ZNF280D: variants seen among roughly 807,000 people sequenced by gnomAD.
ZNF280D encodes suppressor of hairy wing homolog 4.
In ZNF280D, 39 loss-of-function variants were observed where a neutral mutation model predicts 94.7. The observed-to-expected ratio is 0.41, with a 90% CI of 0.32 to 0.54. The LOEUF is 0.54. Ranked by LOEUF, ZNF280D falls within the 20% of genes least tolerant of loss-of-function variation. The pLI is 0.22. For synonymous variants in ZNF280D, 398 were observed against 377.6 expected (o/e 1.05, Z -0.63); for missense variants, 1,090 against 1,149.3 (o/e 0.95, Z 0.75).
intron 1 of ZNF280D, among the ~76,000 whole-genome samples, 200 bp from the exon 2 acceptor site, chr15:56,707,506 C>G (rs545089871): frequency 1.3e-4 from 20 of 151,978 alleles, no homozygotes; most frequent in Admixed American, 1.0e-3. Context: ...ACTTAATACT[C>G]GAAGAAATGT....
chr15:56,670,065 T>C (rs1266387659), intron 13 of ZNF280D, among the ~76,000 whole-genome samples: 1 of 4,414 alleles, frequency 2.3e-4, no homozygotes, highest in Non-Finnish European at 2.0e-3. Flanking sequence ...TATGTTGTTT[T>C]ACATATATAT....
At chr15:56,717,197 T>C (rs1461451350) in intron 1 of ZNF280D, among the ~76,000 whole-genome samples, 2 of 151,940 alleles carry the variant, frequency 1.3e-5, no homozygotes, top group African/African-American at 4.8e-5. Flanking sequence ...AGAATAAAGA[T>C]TGGAGGAAGA....
Position 56,680,508 on chromosome 15 carries a change from G to T in ZNF280D, c.1005-1687C>A, listed in dbSNP as rs138176240. Among the ~76,000 whole-genome samples the T allele has an allele frequency of 1.6e-3, 250 of 152,062 alleles. 1 individual carries two copies. The highest frequency in any genetic ancestry group is 5.7e-3 in the African/African-American group (236 of 41,450). On this transcript the variant is annotated intron_variant, in intron 10 of 21. Transcript: ENST00000267807. Reference sequence around the variant, plus strand: ...TTTCTTTTTATTTTGAGACCATCTCGTTCTGTTGCCCAGGCTGGAGTGCAG... The same window carrying T: ...TTTCTTTTTATTTTGAGACCATCTCTTTCTGTTGCCCAGGCTGGAGTGCAG...
chr15:56,689,978 A>G (rs1057017773), intron 7 of ZNF280D, among the ~76,000 whole-genome samples: 18 of 152,180 alleles, frequency 1.2e-4, no homozygotes, highest in Admixed American at 6.5e-4. Context: ...AACAAACTGA[A>G]GAGTAGGTAA....
intron 1 of ZNF280D, chr15:56,729,850 G>C (rs2141514666): frequency 6.6e-6 from 1 of 152,274 alleles, no homozygotes; most frequent in South Asian, 2.1e-4. Context: ...AAAAATGTGT[G>C]TTACAATGAG....
At position 56,669,910 on chromosome 15, in the gene ZNF280D, TATA is replaced by T. The variant is rs2054628993; in HGVS notation, c.1411-956_1411-954del. Among the ~76,000 whole-genome samples, 2 of 6,968 alleles carry T rather than the reference TATA, an allele frequency of 2.9e-4. 1 individual carries two copies. The highest frequency in any genetic ancestry group is 5.4e-4 in the Non-Finnish European group (2 of 3,732). The allele number at this position is 6,968 out of a possible 152,430, so 4.6% of individuals were successfully genotyped here. A position where few individuals can be genotyped will look rare whatever the true frequency, so the allele number is the denominator to read the frequency against. On this transcript the variant is annotated intron_variant, in intron 13 of 21. Transcript: ENST00000267807. Reference sequence around the variant, plus strand: ...ATATTATATATATATATAATATATATATATTATATATATATTATATATATATTA... The same window carrying T: ...ATATTATATATATATATAATATATATTTATATATATATTATATATATATTA...
intron 6 of ZNF280D, among the ~76,000 whole-genome samples, chr15:56,694,894 T>C (rs2056654390): frequency 6.6e-6 from 1 of 152,162 alleles, no homozygotes; most frequent in African/African-American, 2.4e-5. Context: ...GGAAACTGGG[T>C]AAGGGGTATA....
intron 16 of ZNF280D, among the ~76,000 whole-genome samples, chr15:56,663,783 A>G (rs2054110972): frequency 6.6e-6 from 1 of 152,150 alleles, no homozygotes; most frequent in South Asian, 2.1e-4. Flanking sequence ...ACACACCTAT[A>G]TGGCTACTCA....
At chr15:56,732,122 G>T (rs2058922063) in intron 1 of ZNF280D, among the ~76,000 whole-genome samples, 1 of 152,186 alleles carries the variant, frequency 6.6e-6, no homozygotes, top group African/African-American at 2.4e-5. Context: ...ATATACTAGA[G>T]TTGAGCACCG....
chr15:56,687,180 C>T (rs1483615186), intron 9 of ZNF280D, among the ~76,000 whole-genome samples: 1 of 152,086 alleles, frequency 6.6e-6, no homozygotes, highest in Non-Finnish European at 1.5e-5. Flanking sequence ...GATATAAACA[C>T]ATACACTGTT....
intron 3 of ZNF280D, among the ~76,000 whole-genome samples, chr15:56,704,840 G>A (rs1017145204): frequency 7.2e-5 from 11 of 151,962 alleles, no homozygotes; most frequent in East Asian, 1.9e-4. Flanking sequence ...AAAATTAGCC[G>A]GGCATGGTGG....
At chr15:56,692,006 G>A (rs969945051) in intron 7 of ZNF280D, among the ~76,000 whole-genome samples, 4 of 152,062 alleles carry the variant, frequency 2.6e-5, no homozygotes, top group South Asian at 2.1e-4. Flanking sequence ...TTACTGCTCA[G>A]GCTAAAGTCC....
chr15:56,635,317 A>T (rs1234502521), intron 20 of ZNF280D, 67 bp from the exon 21 acceptor site: 3 of 825,730 alleles, frequency 3.6e-6, no homozygotes, highest in Non-Finnish European at 5.2e-6. Context: ...TTATTATACT[A>T]AACTTTCTGG....
rs748675620 is a variant in ZNF280D at position 56,631,543 on chromosome 15, T to A, written c.2895A>T (p.Thr965=). ...DDIPGGNNPS[T]TEATVDLEDE... ...CTTCCAGGTCTACTGTTGCCTCTGT[T>A]GTGCTAGGGTTATTTCCTCCAGGAA... Residue 965 remains threonine (T), a synonymous_variant, in exon 22 of 22, where the codon ACA becomes ACT. Coordinates refer to ENST00000267807, the MANE Select transcript of ZNF280D (RefSeq NM_017661.4). 38 of 1,613,940 alleles carry A rather than the reference T, an allele frequency of 2.4e-5. No individual in the cohort carries two copies. Among genetic ancestry groups the A allele is most frequent in the Non-Finnish European group, 3.2e-5 (38 of 1,179,944 alleles).
intron 13 of ZNF280D, among the ~76,000 whole-genome samples, chr15:56,669,624 CT>C (rs1185521368): frequency 2.0e-4 from 30 of 149,766 alleles, no homozygotes; most frequent in Admixed American, 9.5e-4. Context: ...CTAGTAGCTA[CT>C]ACATCAGACA....
At chr15:56,671,626 T>A (rs2054869960) in intron 13 of ZNF280D, among the ~76,000 whole-genome samples, 1 of 152,182 alleles carries the variant, frequency 6.6e-6, no homozygotes, top group Non-Finnish European at 1.5e-5. Context: ...TCCAGCTTTG[T>A]TCTTTTTGCT....
chr15:56,721,367 G>T (rs1039848047), intron 1 of ZNF280D, among the ~76,000 whole-genome samples: 7 of 152,178 alleles, frequency 4.6e-5, no homozygotes, highest in African/African-American at 1.7e-4. Context: ...CCCTTAACCA[G>T]AGAGTCAGCC....
intron 1 of ZNF280D, among the ~76,000 whole-genome samples, chr15:56,707,676 T>G (rs1319891570): frequency 2.0e-5 from 3 of 152,188 alleles, no homozygotes; most frequent in East Asian, 3.8e-4. Flanking sequence ...TGTAATTATT[T>G]CTGCAAGAAA....
At chr15:56,705,918 G>A (rs534120056) in intron 3 of ZNF280D, among the ~76,000 whole-genome samples, 24 of 151,422 alleles carry the variant, frequency 1.6e-4, no homozygotes, top group Admixed American at 8.6e-4. Flanking sequence ...AGGGAGACTC[G>A]TTGTATAGTA....
Sources: allele counts gnomAD v4.1 joint callset (sites outside exome capture counted in the v4.1 genomes callset), GRCh38; gene constraint gnomAD v4.1.1; transcripts MANE v1.5; gene names NCBI Gene and HGNC (gene_info 2026-07-23, HGNC 2026-07-21).